HDAC9: variants seen among roughly 807,000 people sequenced by gnomAD.
HDAC9 encodes MEF-2 interacting transcription repressor (MITR) protein.
Under a neutral mutation model 139.4 loss-of-function variants are expected in HDAC9, and 41 were observed. The observed-to-expected ratio is 0.29, with a 90% CI of 0.23 to 0.38. The LOEUF (loss-of-function observed/expected upper bound fraction) is 0.38. Among genes scored for constraint, HDAC9 ranks in the 10% least tolerant of loss-of-function variants. The pLI is 1.00. For synonymous variants in HDAC9, 517 were observed against 476.2 expected (o/e 1.09, Z -1.12); for missense variants, 1,147 against 1,297.0 (o/e 0.88, Z 1.78).
intron 2 of HDAC9, among the ~76,000 whole-genome samples, chr7:18,219,570 T>A (rs1441816392): frequency 1.3e-5 from 2 of 152,122 alleles, no homozygotes; most frequent in African/African-American, 4.8e-5. Flanking sequence ...AATAAAATCA[T>A]AATTGAGAGT....
intron 21 of HDAC9, among the ~76,000 whole-genome samples, chr7:18,858,749 T>C (rs781337139): frequency 7.9e-5 from 12 of 152,218 alleles, no homozygotes; most frequent in Non-Finnish European, 1.3e-4. Context: ...TTTCGTACTT[T>C]GTGGAGTGAA....
chr7:18,429,549 T>TTGTGTGTGTG (rs544337272), intron 1 of HDAC9, among the ~76,000 whole-genome samples: 44 of 150,220 alleles, frequency 2.9e-4, no homozygotes, highest in African/African-American at 1.0e-3. Flanking sequence ...GTGTGTGTAT[T>TTGTGTGTGTG]TGTGTGTGTG....
chr7:18,679,811 T>G (rs1781773665), intron 12 of HDAC9, among the ~76,000 whole-genome samples: 1 of 151,908 alleles, frequency 6.6e-6, no homozygotes, highest in East Asian at 1.9e-4. Flanking sequence ...TTTTAAAAAT[T>G]ATTATTTACA....
chr7:18,692,583 A>G (rs542877422), intron 12 of HDAC9, among the ~76,000 whole-genome samples: 13 of 152,230 alleles, frequency 8.5e-5, no homozygotes, highest in African/African-American at 2.4e-4. Flanking sequence ...ATGTAAATCT[A>G]TTTATCTCAG....
chr7:18,255,625 C>CGT (rs1449259332), intron 2 of HDAC9, among the ~76,000 whole-genome samples: 326 of 101,292 alleles, frequency 3.2e-3, no homozygotes, highest in South Asian at 0.024. Context: ...CTTTTTCTTT[C>CGT]CTTTTTTTTT....
chr7:18,798,306 G>A (rs1792985725), intron 17 of HDAC9, among the ~76,000 whole-genome samples: 2 of 152,128 alleles, frequency 1.3e-5, no homozygotes, highest in Admixed American at 1.3e-4. Flanking sequence ...TGATAAAACA[G>A]GCAAAATGTG....
At chr7:18,772,852 G>A (rs1185738969) in intron 16 of HDAC9, among the ~76,000 whole-genome samples, 1 of 151,908 alleles carries the variant, frequency 6.6e-6, no homozygotes, top group Non-Finnish European at 1.5e-5. Context: ...CTCAGACTTC[G>A]AAAAAATGCA....
chr7:18,640,480 ATTTG>A (rs747468575), intron 8 of HDAC9, among the ~76,000 whole-genome samples: 2 of 149,044 alleles, frequency 1.3e-5, no homozygotes, highest in African/African-American at 2.5e-5. Context: ...TAAGAAAAGT[ATTTG>A]TTTATCTTCT....
At chr7:18,438,442 T>G (rs1791424370) in intron 1 of HDAC9, among the ~76,000 whole-genome samples, 1 of 152,180 alleles carries the variant, frequency 6.6e-6, no homozygotes, top group African/African-American at 2.4e-5. Context: ...GTCATTGGAC[T>G]TTTTAGAATC....
chr7:18,409,466 A>T (rs1333712784), intron 1 of HDAC9, among the ~76,000 whole-genome samples: 1 of 152,130 alleles, frequency 6.6e-6, no homozygotes, highest in Non-Finnish European at 1.5e-5. Flanking sequence ...GCATAGAAGA[A>T]AATAATTAGC....
chr7:18,589,444 G>C (rs1028211563), intron 3 of HDAC9, among the ~76,000 whole-genome samples: 1 of 152,162 alleles, frequency 6.6e-6, no homozygotes, highest in Non-Finnish European at 1.5e-5. Context: ...TAAGGTGGGA[G>C]TATCGCTTGA....
At chr7:18,089,391 A>G (rs1782005752) in intron 1 of HDAC9, among the ~76,000 whole-genome samples, 1 of 152,112 alleles carries the variant, frequency 6.6e-6, no homozygotes, top group Non-Finnish European at 1.5e-5. Flanking sequence ...ATACATGCTT[A>G]TAGATTTTTG....
chr7:18,215,275 A>G (rs1459985016), intron 2 of HDAC9, among the ~76,000 whole-genome samples: 1 of 152,212 alleles, frequency 6.6e-6, no homozygotes, highest in Non-Finnish European at 1.5e-5. Flanking sequence ...TGATATCATT[A>G]GATGAGAGAC....
chr7:18,355,489 A>G (rs1783185148), intron 1 of HDAC9, among the ~76,000 whole-genome samples: 1 of 152,218 alleles, frequency 6.6e-6, no homozygotes, highest in Non-Finnish European at 1.5e-5. Flanking sequence ...TGGGTTGCTC[A>G]TAATTAATGA....
chr7:18,151,182 GT>G (rs1304394472), intron 1 of HDAC9, among the ~76,000 whole-genome samples: 3 of 152,060 alleles, frequency 2.0e-5, no homozygotes, highest in African/African-American at 7.2e-5. Context: ...TGGTCCCCTT[GT>G]TTTTATATAG....
chr7:18,594,881 T>C (rs1456364944), intron 6 of HDAC9, among the ~76,000 whole-genome samples: 1 of 152,068 alleles, frequency 6.6e-6, no homozygotes, highest in Non-Finnish European at 1.5e-5. Flanking sequence ...AAGATATTCA[T>C]GTAAGATAGC....
At chr7:18,471,431 G>T (rs559541486) in intron 1 of HDAC9, among the ~76,000 whole-genome samples, 31 of 152,110 alleles carry the variant, frequency 2.0e-4, no homozygotes, top group African/African-American at 7.5e-4. Flanking sequence ...TATGAATGCT[G>T]CCCTTAATTG....
chr7:18,293,262 G>A (rs1186581113), intron 1 of HDAC9, among the ~76,000 whole-genome samples: 9 of 152,084 alleles, frequency 5.9e-5, no homozygotes, highest in Admixed American at 5.9e-4. Flanking sequence ...CCAGTGTTGG[G>A]GGGAGTGAAG....
chr7:18,705,568 A>G (rs115708078), intron 12 of HDAC9, among the ~76,000 whole-genome samples: 1,989 of 152,138 alleles, frequency 0.013, 58 homozygotes, highest in African/African-American at 0.045. Context: ...GAAATGTTTT[A>G]GGCTGGGCAC....
Sources: allele counts gnomAD v4.1 joint callset (sites outside exome capture counted in the v4.1 genomes callset), GRCh38; gene constraint gnomAD v4.1.1; transcripts MANE v1.5; gene names NCBI Gene and HGNC (gene_info 2026-07-23, HGNC 2026-07-21).